KCNH7: variants seen among roughly 807,000 people sequenced by gnomAD.
The protein encoded by KCNH7 is potassium voltage-gated channel subfamily H member 7, also known as voltage-gated inwardly rectifying potassium channel KCNH7.
A neutral mutation model predicts 120.8 loss-of-function variants in KCNH7; 49 were observed. The ratio of observed to expected loss-of-function variants is 0.41; its 90% CI spans 0.32 to 0.51. The LOEUF is 0.51. Ranked by LOEUF, KCNH7 falls within the 20% of genes least tolerant of loss-of-function variation. The pLI is 0.38. For synonymous variants in KCNH7, 547 were observed against 516.1 expected (o/e 1.06, Z -0.81); for missense variants, 1,097 against 1,446.6 (o/e 0.76, Z 3.92).
At chr2:162,503,055 G>T (rs76096061) in intron 6 of KCNH7, among the ~76,000 whole-genome samples, 1 of 152,024 alleles carries the variant, frequency 6.6e-6, no homozygotes, top group African/African-American at 2.4e-5. Context: ...CTGCCTAACC[G>T]CAGTTAGACA....
At chr2:162,662,270 G>T (rs201977208) in intron 2 of KCNH7, among the ~76,000 whole-genome samples, 1 of 151,656 alleles carries the variant, frequency 6.6e-6, no homozygotes, top group East Asian at 1.9e-4. Context: ...CTCAAAAAAA[G>T]GAAAAGAAAA....
chr2:162,720,934 T>C (rs1170103210), intron 2 of KCNH7, among the ~76,000 whole-genome samples: 1 of 152,176 alleles, frequency 6.6e-6, no homozygotes, highest in African/African-American at 2.4e-5. Context: ...ATTTGCCTTA[T>C]TAGCATTTTC....
chr2:162,439,656 T>A (rs1354851090), intron 7 of KCNH7, among the ~76,000 whole-genome samples: 1 of 152,092 alleles, frequency 6.6e-6, no homozygotes, highest in Non-Finnish European at 1.5e-5. Context: ...TAACTCTCTT[T>A]CCAAAAATTC....
Position 162,600,130 on chromosome 2 carries a change from A to G in KCNH7, c.308-63050T>C, listed in dbSNP as rs12624263. Reference sequence around the variant, plus strand: ...GACCACTCTCTCTAGCTTGTAATCAATCACATACAGAGATGTTAAATGCAC... The same window carrying G: ...GACCACTCTCTCTAGCTTGTAATCAGTCACATACAGAGATGTTAAATGCAC... On this transcript the variant is annotated intron_variant, in intron 2 of 15. Coordinates refer to ENST00000332142, the MANE Select transcript of KCNH7 (RefSeq NM_033272.4). Among the ~76,000 whole-genome samples the G allele has an allele frequency of 1.7e-3, 255 of 152,254 alleles. 6 individuals carry two copies. In the East Asian group the frequency reaches 0.044, roughly 26 times the overall value.
intron 2 of KCNH7, among the ~76,000 whole-genome samples, chr2:162,569,102 T>C (rs917816947): frequency 6.6e-6 from 1 of 152,086 alleles, no homozygotes; most frequent in African/African-American, 2.4e-5. Flanking sequence ...TCAGAAGGAA[T>C]GGTACCAGTT....
At chr2:162,664,230 C>A (rs1685062212) in intron 2 of KCNH7, among the ~76,000 whole-genome samples, 1 of 152,126 alleles carries the variant, frequency 6.6e-6, no homozygotes, top group African/African-American at 2.4e-5. Context: ...CAGAGAAGTG[C>A]ATATGTGCAC....
intron 2 of KCNH7, among the ~76,000 whole-genome samples, chr2:162,657,270 A>G (rs867439128): frequency 2.6e-5 from 4 of 152,162 alleles, no homozygotes; most frequent in Admixed American, 6.5e-5. Context: ...TTCATAGAGA[A>G]TAGTTTCACT....
chr2:162,774,020 C>A (rs193110528), intron 2 of KCNH7, among the ~76,000 whole-genome samples: 1 of 152,012 alleles, frequency 6.6e-6, no homozygotes, highest in East Asian at 1.9e-4. Flanking sequence ...ATTTGAGGTG[C>A]TATTTTAATT....
chr2:162,507,276 TAC>T (rs1244906209), intron 5 of KCNH7, among the ~76,000 whole-genome samples: 1 of 151,670 alleles, frequency 6.6e-6, no homozygotes, highest in African/African-American at 2.4e-5. Flanking sequence ...GAGTCTTCTT[TAC>T]CAGTGTTGGA....
chr2:162,825,739 A>C (rs990352324), intron 2 of KCNH7, among the ~76,000 whole-genome samples: 2 of 152,030 alleles, frequency 1.3e-5, no homozygotes, highest in African/African-American at 4.8e-5. Flanking sequence ...GGTCTGTGTA[A>C]AAATTTTATG....
At chr2:162,652,948 G>C (rs1053864414) in intron 2 of KCNH7, among the ~76,000 whole-genome samples, 3 of 152,068 alleles carry the variant, frequency 2.0e-5, no homozygotes, top group Non-Finnish European at 2.9e-5. Context: ...TTGAATTAAC[G>C]TAGCTGCAGA....
At chr2:162,633,984 A>G (rs1411346202) in intron 2 of KCNH7, among the ~76,000 whole-genome samples, 1 of 152,038 alleles carries the variant, frequency 6.6e-6, no homozygotes, top group East Asian at 1.9e-4. Flanking sequence ...TTTTCTTTAC[A>G]TAGATCCTTA....
chr2:162,398,498 G>C (rs901267758), intron 10 of KCNH7, among the ~76,000 whole-genome samples: 2 of 151,802 alleles, frequency 1.3e-5, no homozygotes, highest in African/African-American at 4.8e-5. Flanking sequence ...TATGGAAGTA[G>C]GGACAGAAAA....
At chr2:162,790,511 G>A (rs557950201) in intron 2 of KCNH7, among the ~76,000 whole-genome samples, 1 of 151,822 alleles carries the variant, frequency 6.6e-6, no homozygotes, top group African/African-American at 2.4e-5. Context: ...TGATACCAAA[G>A]CCAGGCAAGG....
At chr2:162,528,947 G>C (rs1389040948) in intron 3 of KCNH7, among the ~76,000 whole-genome samples, 1 of 151,942 alleles carries the variant, frequency 6.6e-6, no homozygotes, top group Non-Finnish European at 1.5e-5. Context: ...TTAGTATCAT[G>C]CCGAGGTTCT....
chr2:162,591,784 T>TC (rs1694224198), intron 2 of KCNH7, among the ~76,000 whole-genome samples: 1 of 152,110 alleles, frequency 6.6e-6, no homozygotes, highest in African/African-American at 2.4e-5. Flanking sequence ...ATAATTTTTT[T>TC]CTGTGTTTTT....
At chr2:162,428,497 G>A (rs978760253) in intron 8 of KCNH7, among the ~76,000 whole-genome samples, 1 of 151,884 alleles carries the variant, frequency 6.6e-6, no homozygotes, top group Non-Finnish European at 1.5e-5. Context: ...TGCTAGAAAA[G>A]AGCGTGTATT....
rs1193819344 is a variant in KCNH7, at chr2:162,443,753, T to C, written c.1554+2265A>G. Among the ~76,000 whole-genome samples, 4 of 152,304 alleles carry C rather than the reference T, an allele frequency of 2.6e-5. No homozygotes were observed. In the East Asian group the frequency reaches 7.7e-4, roughly 29 times the overall value. On this transcript the variant is annotated intron_variant, in intron 7 of 15. Coordinates refer to ENST00000332142, the MANE Select transcript of KCNH7 (RefSeq NM_033272.4). ...TCAAAATGTCCATCGGATAGTATCATTCCTGTTCCAAAGACTCCATTGCAG... is the reference window on the plus strand; with the variant it reads ...TCAAAATGTCCATCGGATAGTATCACTCCTGTTCCAAAGACTCCATTGCAG...
At chr2:162,635,230 T>C (rs1008521479) in intron 2 of KCNH7, among the ~76,000 whole-genome samples, 1 of 152,116 alleles carries the variant, frequency 6.6e-6, no homozygotes, top group Non-Finnish European at 1.5e-5. Context: ...TGCCAGGATA[T>C]GAGCTAGACA....
Sources: allele counts gnomAD v4.1 joint callset (sites outside exome capture counted in the v4.1 genomes callset), GRCh38; gene constraint gnomAD v4.1.1; transcripts MANE v1.5; gene names NCBI Gene and HGNC (gene_info 2026-07-23, HGNC 2026-07-21).